Variants in BCAN observed in about 807,000 individuals in gnomAD.
The protein encoded by BCAN is brevican core protein.
Under a neutral mutation model 92.4 loss-of-function variants are expected in BCAN, and 51 were observed. The ratio of observed to expected loss-of-function variants is 0.55; its 90% CI spans 0.44 to 0.70. The LOEUF (loss-of-function observed/expected upper bound fraction) is 0.70, where lower values mean the gene tolerates loss of function less well. Among genes scored for constraint, BCAN ranks in the 30% least tolerant of loss-of-function variants. The probability of loss-of-function intolerance (pLI) is 0.00; values close to 1 mark genes in which losing one functional copy is unlikely to be tolerated. For synonymous variants in BCAN, 501 were observed against 505.2 expected (o/e 0.99, Z 0.11); for missense variants, 1,140 against 1,212.1 (o/e 0.94, Z 0.88).
At chr1:156,656,869 C>T in intron 9 of BCAN, 69 bp from the exon 10 acceptor site, 1 of 1,569,738 alleles carries the variant, frequency 6.4e-7, no homozygotes, top group African/African-American at 1.3e-5. Context: ...GGAAGGAGAC[C>T]AGCCCCTTCC....
At chr1:156,657,429 A>C in intron 10 of BCAN, 2 of 548,164 alleles carry the variant, frequency 3.6e-6, no homozygotes, top group Non-Finnish European at 6.4e-6. Context: ...ATCTTGTTGA[A>C]AGTTTTGACT....
Position 156,651,492 on chromosome 1 carries a change from A to G in BCAN, c.1100A>G (p.Asn367Ser), listed in dbSNP as rs1026321093. The G allele has an allele frequency of 6.2e-7, 1 of 1,613,258 alleles. No individual in the cohort carries two copies. The highest frequency in any genetic ancestry group is 1.7e-5 in the Admixed American group (1 of 59,944). The change falls in exon 7 of 14, where the codon AAC (asparagine) becomes AGC (serine). Residue 367 changes from asparagine to serine, a missense_variant. Physicochemically the swap from Asn to Ser is conservative, Grantham distance 46. This residue lies in a region of BCAN where 825 missense variants were observed against 871.8 expected (regional missense o/e 0.95). Coordinates refer to ENST00000329117, the MANE Select transcript of BCAN (RefSeq NM_021948.5). ...CCTTCTGCCATCCCTGAGGCCTCCA[A>G]CCCAGCCTCCAACCCAGCCTCTGAT... The part of the protein sequence containing the change: ...AQPSAIPEAS[N>S]PASNPASDGL...
Position 156,652,515 on chromosome 1 carries a change from T to C in BCAN, c.1565T>C (p.Leu522Pro). 2 of 1,612,068 alleles carry C rather than the reference T, an allele frequency of 1.2e-6. No homozygotes were observed. The highest frequency in any genetic ancestry group is 2.2e-5 in the South Asian group (2 of 90,694). ...GTCCTGCAGCCTGGTGCATCACCACTTCCTGATGGAGAGTCAGAAGCTTCC... is the reference window on the plus strand; with the variant it reads ...GTCCTGCAGCCTGGTGCATCACCACCTCCTGATGGAGAGTCAGAAGCTTCC... ...RAVLQPGASPLPDGESEASRP... is the reference protein window; with the variant it reads ...RAVLQPGASPPPDGESEASRP... The change falls in exon 8 of 14, where the codon CTT becomes CCT. Residue 522 changes from leucine to proline, a missense_variant. Transcript: ENST00000329117.
intron 1 of BCAN, among the ~76,000 whole-genome samples, chr1:156,645,104 A>C (rs1406612690): frequency 6.6e-6 from 1 of 152,106 alleles, no homozygotes; most frequent in African/African-American, 2.4e-5. Context: ...AGATCTTTGG[A>C]GGAATATTCT....
In BCAN at chr1:156,658,976, G is replaced by C. The variant is rs372032216; in HGVS notation, c.2629-51G>C. 404 of 1,481,180 alleles carry C rather than the reference G, an allele frequency of 2.7e-4. 1 individual carries two copies. Among genetic ancestry groups the C allele is most frequent in the Admixed American group, 4.9e-4 (25 of 50,602 alleles). The allele number at this position is 1,481,180 out of a possible 1,614,324, so 91.8% of individuals were successfully genotyped here. ...AAGAACATCAGAGGGCAGGCTCTGA[G>C]GAGAGGAGAAGGAAGAGCCAGGGTG... On this transcript the variant is annotated intron_variant, in intron 13 of 13. Transcript: ENST00000329117. The surrounding 1 kb of genome is among the most constrained non-coding windows in gnomAD (Gnocchi z 4.4).
intron 1 of BCAN, 101 bp from the exon 2 acceptor site, chr1:156,645,946 G>A: frequency 1.1e-6 from 1 of 935,846 alleles, no homozygotes; most frequent in Non-Finnish European, 1.6e-6. Flanking sequence ...GGGACTTCTG[G>A]AGCCAGGATA....
chr1:156,648,645 G>C lies in BCAN; in HGVS notation c.847G>C (p.Glu283Gln), dbSNP rs368547815. Residue 283 changes from glutamate (E) to glutamine (Q), a missense_variant, in exon 6 of 14, where the codon GAG becomes CAG. Glu to Gln is a conservative substitution (Grantham distance 29). Coordinates refer to ENST00000329117, the MANE Select transcript of BCAN (RefSeq NM_021948.5). ...GGCGTACTGCCAGGAGCGGGGTGCA[G>C]AGATTGCCACCACGGGCCAACTGTA... is the stretch of plus-strand genomic sequence containing the variant. ...ARAYCQERGA[E>Q]IATTGQLYAA... 3.1e-6 allele frequency: 5 copies of C among 1,613,112 alleles called. No homozygotes were observed. Among genetic ancestry groups the C allele is most frequent in the Non-Finnish European group, 2.5e-6 (3 of 1,179,122 alleles).
Position 156,659,313 on chromosome 1 carries a change from G to A in BCAN, c.*179G>A, listed in dbSNP as rs957444629. The A allele has an allele frequency of 1.7e-5, 10 of 576,174 alleles. No homozygotes were observed. The highest frequency in any genetic ancestry group is 3.0e-5 in the Non-Finnish European group (10 of 331,550). 35.7% of individuals were successfully genotyped at this position (576,174 alleles called of 1,614,324 possible). ...ACCTAGGAGGCTCCAGCCCAGCCCA[G>A]GCCCTCTCCCCCTACCCTGGGCACC... On this transcript the variant is annotated 3_prime_UTR_variant, in exon 14 of 14. Coordinates refer to ENST00000329117, the MANE Select transcript of BCAN (RefSeq NM_021948.5).
chr1:156,657,562 G>A, intron 10 of BCAN, 113 bp from the exon 11 acceptor site: 1 of 782,372 alleles, frequency 1.3e-6, no homozygotes, highest in Non-Finnish European at 2.1e-6. Context: ...GACAAGGGCG[G>A]GTGCTGGATC....
Position 156,658,502 on chromosome 1 carries a change from C to A in BCAN, c.2438-41C>A. 1.3e-6 allele frequency: 2 copies of A among 1,587,836 alleles called. No homozygotes were observed. Among genetic ancestry groups the A allele is most frequent in the Admixed American group, 1.7e-5 (1 of 58,420 alleles). On this transcript the variant is annotated intron_variant, in intron 12 of 13. Transcript: ENST00000329117. The surrounding 1 kb of genome is among the most constrained non-coding windows in gnomAD (Gnocchi z 4.4). ...CCATGGAGATTCTGGGAACTGTCAC[C>A]CACAGAGCCAGGCTCAGTTCCTAAC...
In BCAN at chr1:156,646,807, G is replaced by T; in HGVS notation, c.98G>T (p.Arg33Leu). ...CGGCTCCACCCGTTCACAGAGGACC[G>T]CGCTTTTCGCGTGCGCATCGCGGGC... ...DVLEGDSSED[R>L]AFRVRIAGDA... is the part of the protein sequence containing the mutation. The change falls in exon 3 of 14, where the codon CGC (arginine) becomes CTC (leucine). Residue 33 changes from arginine to leucine, a missense_variant. Arg to Leu is a moderately radical substitution (Grantham distance 102). Coordinates refer to ENST00000329117, the MANE Select transcript of BCAN (RefSeq NM_021948.5). 1.3e-6 allele frequency: 2 copies of T among 1,561,300 alleles called. No individual in the cohort carries two copies. The highest frequency in any genetic ancestry group is 1.7e-6 in the Non-Finnish European group (2 of 1,153,690).
chr1:156,658,925 C>A lies in BCAN; in HGVS notation c.2629-102C>A, dbSNP rs951964. ...TGCTGATGTCTGATAACATGCAGCC[C>A]CATTCTGGGCTCTTACGGGCTGAGC... On this transcript the variant is annotated intron_variant, in intron 13 of 13. Transcript: ENST00000329117. The surrounding 1 kb of genome is among the most constrained non-coding windows in gnomAD (Gnocchi z 4.4). 591,014 of 1,312,198 alleles carry A rather than the reference C, an allele frequency of 0.45. 135,961 individuals carry two copies. The highest frequency in any genetic ancestry group is 0.63 in the South Asian group (49,499 of 78,308). 81.3% of individuals were successfully genotyped at this position (1,312,198 alleles called of 1,614,324 possible).
chr1:156,652,511 C>A lies in BCAN; in HGVS notation c.1561C>A (p.Pro521Thr). 6.2e-7 allele frequency: 1 copy of A among 1,611,436 alleles called. No individual in the cohort carries two copies. Among genetic ancestry groups the A allele is most frequent in the Non-Finnish European group, 8.5e-7 (1 of 1,178,720 alleles). Reference sequence around the variant, plus strand: ...GGCAGTCCTGCAGCCTGGTGCATCACCACTTCCTGATGGAGAGTCAGAAGC... The same window carrying A: ...GGCAGTCCTGCAGCCTGGTGCATCAACACTTCCTGATGGAGAGTCAGAAGC... ...ARAVLQPGASPLPDGESEASR... is the reference protein window; with the variant it reads ...ARAVLQPGASTLPDGESEASR... Residue 521 changes from proline (P) to threonine (T), a missense_variant, in exon 8 of 14, where the codon CCA becomes ACA. Transcript: ENST00000329117.
rs1678835336 is a variant in BCAN, at chr1:156,642,825, C to T, written c.-9+550C>T. ...ACCTTGGGGTAGTTAGTTGACTTCTCTGAACCTCGGGTTCCTCATCGGTGT... is the reference window on the plus strand; with the variant it reads ...ACCTTGGGGTAGTTAGTTGACTTCTTTGAACCTCGGGTTCCTCATCGGTGT... On this transcript the variant is annotated intron_variant, in intron 1 of 13. Coordinates refer to ENST00000329117, the MANE Select transcript of BCAN (RefSeq NM_021948.5). The surrounding 1 kb of genome is among the most constrained non-coding windows in gnomAD (Gnocchi z 4.2). 1 of 152,280 alleles carries T rather than the reference C, an allele frequency of 6.6e-6. No homozygotes were observed. The highest frequency in any genetic ancestry group is 2.4e-5 in the African/African-American group (1 of 41,460). The allele number at this position is 152,280 out of a possible 1,614,324, so 9.4% of individuals were successfully genotyped here.
chr1:156,648,045 G>A lies in BCAN; in HGVS notation c.704G>A (p.Arg235Gln), dbSNP rs1679044301. 8 of 1,613,914 alleles carry A rather than the reference G, an allele frequency of 5.0e-6. No homozygotes were observed. The highest frequency in any genetic ancestry group is 6.8e-6 in the Non-Finnish European group (8 of 1,179,976). ...GACATGGATGGCTTCCCCGGGGTCCGGAACTATGGTGTGGTGGACCCGGAT... is the reference window on the plus strand; with the variant it reads ...GACATGGATGGCTTCCCCGGGGTCCAGAACTATGGTGTGGTGGACCCGGAT... ...YGDMDGFPGV[R>Q]NYGVVDPDDL... The change falls in exon 5 of 14, where the codon CGG (arginine) becomes CAG (glutamine). Residue 235 changes from arginine (R) to glutamine (Q), a missense_variant. Arg to Gln is a conservative substitution (Grantham distance 43, BLOSUM62 1). Coordinates refer to ENST00000329117, the MANE Select transcript of BCAN (RefSeq NM_021948.5).
chr1:156,653,422 A>G, intron 8 of BCAN: 2 of 993,632 alleles, frequency 2.0e-6, no homozygotes, highest in Non-Finnish European at 2.4e-6. Context: ...TGACTGTTTC[A>G]TGGAAAACAA....
chr1:156,652,744 A>T lies in BCAN; in HGVS notation c.1794A>T (p.Thr598=), dbSNP rs1645357588. 3 of 1,605,694 alleles carry T rather than the reference A, an allele frequency of 1.9e-6. No individual in the cohort carries two copies. The highest frequency in any genetic ancestry group is 2.2e-5 in the East Asian group (1 of 44,720). ...GTGCCCCTTCCCTGCTTCCAGCCAC[A>T]CGGGCCCCTGAGGGTACCAGGGAGC... is the stretch of plus-strand genomic sequence containing the variant. ...SEGAPSLLPA[T]RAPEGTRELE... is the part of the protein sequence containing the mutation. The change falls in exon 8 of 14, where the codon ACA becomes ACT. Residue 598 remains threonine (T), a synonymous_variant. Transcript: ENST00000329117.
In BCAN at chr1:156,646,952, C is replaced by T. The variant is rs1256103029; in HGVS notation, c.243C>T (p.Phe81=). 1.2e-6 allele frequency: 2 copies of T among 1,612,824 alleles called. No homozygotes were observed. Among genetic ancestry groups the T allele is most frequent in the Non-Finnish European group, 1.7e-6 (2 of 1,179,600 alleles). The change falls in exon 3 of 14, where the codon TTC becomes TTT. Residue 81 remains phenylalanine (F), a synonymous_variant. Transcript: ENST00000329117. ...VLGSPRVKWT[F]LSRGREAEVL... is the part of the protein sequence containing the mutation. ...GCTCTCCGCGGGTCAAGTGGACTTT[C>T]CTGTCCCGGGGCCGGGAGGCAGAGG...
Position 156,647,947 on chromosome 1 carries a change from G to T in BCAN, c.642-36G>T, listed in dbSNP as rs778172629. ...AATATGGGCTGGCTCCCTGGTGAAA[G>T]CATCTGTACTAAGTGATTCTGTCCT... On this transcript the variant is annotated intron_variant, in intron 4 of 13. Transcript: ENST00000329117. The surrounding 1 kb of genome is among the most constrained non-coding windows in gnomAD (Gnocchi z 4.8). The T allele has an allele frequency of 2.5e-6, 4 of 1,607,850 alleles. No homozygotes were observed. Among genetic ancestry groups the T allele is most frequent in the Non-Finnish European group, 3.4e-6 (4 of 1,174,776 alleles).
Sources: gnomAD v4.1 joint callset for allele counts (sites outside exome capture counted in the v4.1 genomes callset) on GRCh38, gnomAD v4.1.1 for gene constraint, gnomAD v4.1.1 regional missense constraint, Gnocchi (gnomAD v3.1) non-coding constraint, MANE v1.5 for transcripts, NCBI Gene and HGNC (gene_info 2026-07-23, HGNC 2026-07-21) for gene names.